The following RUVBL1 variants were observed in gnomAD, a reference collection of about 807,000 sequenced individuals.
RUVBL1 encodes the protein ruvB-like 1.
Under a neutral mutation model 52.4 loss-of-function variants are expected in RUVBL1, and 4 were observed. The ratio of observed to expected loss-of-function variants is 0.08; its 90% CI spans 0.04 to 0.17. The LOEUF is 0.17. RUVBL1 is among the 10% of genes least tolerant of loss of function. RUVBL1 has a pLI of 1.00. For synonymous variants in RUVBL1, 217 were observed against 214.4 expected (o/e 1.01, Z -0.10); for missense variants, 298 against 572.8 (o/e 0.52, Z 4.90).
At chr3:128,116,958 C>G (rs1184677928) in intron 2 of RUVBL1, among the ~76,000 whole-genome samples, 1 of 152,122 alleles carries the variant, frequency 6.6e-6, no homozygotes, top group African/African-American at 2.4e-5. Context: ...CTGATGATGG[C>G]ACCGTGGTCA....
At chr3:128,119,188 G>A in intron 2 of RUVBL1, 140 bp downstream of exon 2, 2 of 575,080 alleles carry the variant, frequency 3.5e-6, no homozygotes, top group Non-Finnish European at 6.1e-6. Flanking sequence ...ATACCCAATT[G>A]TATTATTGCA....
chr3:128,150,298 TAGTC>T (rs1398313779), intron 1 of RUVBL1, among the ~76,000 whole-genome samples: 1 of 152,086 alleles, frequency 6.6e-6, no homozygotes, highest in African/African-American at 2.4e-5. Context: ...AGATTTGTAT[TAGTC>T]AGGATTCTCT....
At chr3:128,078,966 A>G (rs1477236939), downstream of RUVBL1, 2 of 152,248 alleles carry the variant, frequency 1.3e-5, no homozygotes, top group African/African-American at 4.8e-5. Context: ...CTCAGCTAGG[A>G]TATTTGAGGG....
At chr3:128,093,896 G>C (rs1427775424) in intron 8 of RUVBL1, among the ~76,000 whole-genome samples, 1 of 152,194 alleles carries the variant, frequency 6.6e-6, no homozygotes, top group Non-Finnish European at 1.5e-5. Flanking sequence ...TGTCCACAGG[G>C]AGAGGTGACC....
chr3:128,125,729 T>C (rs1477444939), upstream of RUVBL1, among the ~76,000 whole-genome samples: 1 of 152,216 alleles, frequency 6.6e-6, no homozygotes, highest in East Asian at 1.9e-4. Flanking sequence ...AGGCTGAGGT[T>C]GTTACTAGGG....
At position 128,081,006 on chromosome 3, in the gene RUVBL1, G is replaced by C. The variant is rs528438223; in HGVS notation, c.*244C>G. The C allele has an allele frequency of 4.0e-3, 1,810 of 450,194 alleles. 7 individuals are homozygous for C. Among genetic ancestry groups the C allele is most frequent in the Non-Finnish European group, 5.9e-3 (1,506 of 254,434 alleles). 27.9% of individuals were successfully genotyped at this position (450,194 alleles called of 1,614,324 possible). A position where few individuals can be genotyped will look rare whatever the true frequency, so the allele number is the denominator to read the frequency against. On this transcript the variant is annotated 3_prime_UTR_variant, in exon 11 of 11. Coordinates refer to ENST00000322623, the MANE Select transcript of RUVBL1 (RefSeq NM_003707.3). This position sits in a 1 kb window ranked among gnomAD's most constrained non-coding sequence, Gnocchi z 4.8. The stretch of plus-strand genomic sequence containing the variant: ...TTTAAAAAACTTAGAGAGAGAGAGA[G>C]AGAGAATCAAAATAACCTATGAAGA...
intron 1 of RUVBL1, among the ~76,000 whole-genome samples, chr3:128,121,290 T>A (rs958674838): frequency 2.6e-4 from 40 of 151,322 alleles, no homozygotes; most frequent in African/African-American, 9.5e-4. Context: ...GAGACAGGGT[T>A]TCGTCATGTT....
intron 9 of RUVBL1, among the ~76,000 whole-genome samples, chr3:128,085,819 A>G (rs1450086455): frequency 6.6e-6 from 1 of 152,190 alleles, no homozygotes; most frequent in Non-Finnish European, 1.5e-5. Context: ...TGCCAGAGGA[A>G]AGCCACCTCA....
intron 8 of RUVBL1, 169 bp from the exon 9 acceptor site, chr3:128,087,977 G>A: frequency 1.9e-6 from 1 of 533,796 alleles, no homozygotes; most frequent in Non-Finnish European, 3.4e-6. Flanking sequence ...AACAACTTCA[G>A]GCTAGGCGCA....
chr3:128,153,618 C>T (rs765368199), exon 1 of RUVBL1: 2 of 1,596,716 alleles, frequency 1.3e-6, no homozygotes, highest in South Asian at 1.1e-5. Flanking sequence ...CCGCCTTTGA[C>T]AAGCAGCCGC....
chr3:128,150,140 G>A (rs1559840909), intron 1 of RUVBL1, among the ~76,000 whole-genome samples: 1 of 152,026 alleles, frequency 6.6e-6, no homozygotes, highest in Non-Finnish European at 1.5e-5. Context: ...CTCCTCCCTT[G>A]CACCAGTAAC....
intron 3 of RUVBL1, among the ~76,000 whole-genome samples, chr3:128,110,036 C>A (rs1473093760): frequency 6.6e-6 from 1 of 151,880 alleles, no homozygotes; most frequent in African/African-American, 2.4e-5. Flanking sequence ...AGCCTGGTCT[C>A]GAACTCCTGA....
At chr3:128,085,539 C>A (rs79604576) in intron 9 of RUVBL1, among the ~76,000 whole-genome samples, 1 of 152,232 alleles carries the variant, frequency 6.6e-6, no homozygotes, top group African/African-American at 2.4e-5. Flanking sequence ...GACACCCTTA[C>A]GTGGCGATGA....
intron 8 of RUVBL1, among the ~76,000 whole-genome samples, chr3:128,088,228 C>G (rs1463231469): frequency 6.6e-6 from 1 of 150,592 alleles, no homozygotes; most frequent in Non-Finnish European, 1.5e-5. Context: ...TACCACTGCA[C>G]TCCACCCTGG....
At chr3:128,143,137 C>T (rs1476126991) in intron 1 of RUVBL1, among the ~76,000 whole-genome samples, 2 of 150,898 alleles carry the variant, frequency 1.3e-5, no homozygotes, top group South Asian at 2.1e-4. Flanking sequence ...CACCCTGATA[C>T]TCCAGGATAA....
chr3:128,149,814 T>C (rs567179748), intron 1 of RUVBL1, among the ~76,000 whole-genome samples: 1 of 152,308 alleles, frequency 6.6e-6, no homozygotes, highest in East Asian at 1.9e-4. Flanking sequence ...TCAGCATTGG[T>C]GAGATTCTGT....
At chr3:128,094,468 T>TCAAA (rs1942923218) in intron 8 of RUVBL1, among the ~76,000 whole-genome samples, 1 of 152,180 alleles carries the variant, frequency 6.6e-6, no homozygotes, top group Non-Finnish European at 1.5e-5. Flanking sequence ...CAGCACCCCG[T>TCAAA]CAAAGCTCCA....
Position 128,081,135 on chromosome 3 carries a change from T to G in RUVBL1, c.*115A>C. On this transcript the variant is annotated 3_prime_UTR_variant, in exon 11 of 11. Coordinates refer to ENST00000322623, the MANE Select transcript of RUVBL1 (RefSeq NM_003707.3). The surrounding 1 kb of genome is among the most constrained non-coding windows in gnomAD (Gnocchi z 4.8). ...GCTTTCCACACTGAACTGACAGCGC[T>G]GCAGACCACGCCTGAGTGGGGACGG... 3.9e-6 allele frequency: 4 copies of G among 1,034,454 alleles called. No homozygotes were observed. Among genetic ancestry groups the G allele is most frequent in the Non-Finnish European group, 5.7e-6 (4 of 700,986 alleles). The allele number at this position is 1,034,454 out of a possible 1,614,324, so 64.1% of individuals were successfully genotyped here.
Position 128,085,443 on chromosome 3 carries a change from T to C in RUVBL1, c.1119+2263A>G, listed in dbSNP as rs368982873. ...TAAGAATGGGCCAGTTTTCCAAGAA[T>C]TGCCTGGGACTGTTTCTGCTTCTGC... On this transcript the variant is annotated intron_variant, in intron 9 of 10. Transcript: ENST00000322623. Among the ~76,000 whole-genome samples the C allele has an allele frequency of 2.1e-3, 315 of 152,304 alleles. 2 individuals are homozygous for C. Among genetic ancestry groups the C allele is most frequent in the African/African-American group, 6.7e-3 (279 of 41,574 alleles).
Sources: gnomAD v4.1 joint callset for allele counts (sites outside exome capture counted in the v4.1 genomes callset) on GRCh38, gnomAD v4.1.1 for gene constraint, Gnocchi (gnomAD v3.1) non-coding constraint, MANE v1.5 for transcripts, NCBI Gene and HGNC (gene_info 2026-07-23, HGNC 2026-07-21) for gene names.